Variants in TNFRSF10A observed in about 807,000 individuals in gnomAD.
TNFRSF10A encodes the protein tumor necrosis factor receptor superfamily member 10A.
In TNFRSF10A, 44 loss-of-function variants were observed where a neutral mutation model predicts 42.8. That is an observed-to-expected ratio of 1.03 (90% confidence interval 0.81 to 1.32). The LOEUF is 1.32. Among genes scored for constraint, TNFRSF10A ranks in the 40% most tolerant of loss-of-function variants. The probability of loss-of-function intolerance (pLI) is 0.00; values close to 1 mark genes in which losing one functional copy is unlikely to be tolerated. For missense variants in TNFRSF10A, 680 were observed against 602.0 expected, an observed-to-expected ratio of 1.13 and a Z score of -1.36; for synonymous variants, 259 against 234.2, an observed-to-expected ratio of 1.11 and a Z score of -0.97.
At position 23,190,606 on chromosome 8, in the gene TNFRSF10A, A is replaced by C. The variant is rs1800742117; in HGVS notation, c.*1088T>G. 6.6e-6 allele frequency: 1 copy of C among 152,240 alleles called. No homozygotes were observed. The highest frequency in any genetic ancestry group is 1.5e-5 in the Non-Finnish European group (1 of 68,042). The allele number at this position is 152,240 out of a possible 1,614,324, so 9.4% of individuals were successfully genotyped here. ...TTGTGACTTGAACTCAAGGTAAATAAATTAAATAATTAATAAATTAACCTT... is the reference window on the plus strand; with the variant it reads ...TTGTGACTTGAACTCAAGGTAAATACATTAAATAATTAATAAATTAACCTT... On this transcript the variant is annotated 3_prime_UTR_variant, in exon 10 of 10. Coordinates refer to ENST00000221132, the MANE Select transcript of TNFRSF10A (RefSeq NM_003844.4).
chr8:23,206,238 AG>A (rs1801006175), intron 2 of TNFRSF10A, among the ~76,000 whole-genome samples: 1 of 152,172 alleles, frequency 6.6e-6, no homozygotes. Flanking sequence ...TTAATATTGA[AG>A]GAAGGAAAAA....
chr8:23,191,948 T>C lies in TNFRSF10A; in HGVS notation c.1153A>G (p.Arg385Gly). 6.2e-7 allele frequency: 1 copy of C among 1,614,168 alleles called. No homozygotes were observed. Among genetic ancestry groups the C allele is most frequent in the Non-Finnish European group, 8.5e-7 (1 of 1,180,034 alleles). ...TCATTTTTCGTGAGGTCCAGCTGCC[T>C]CATGAGCTGGTCCCAGGAGTCAAAG... is the stretch of plus-strand genomic sequence containing the variant. ...VPFDSWDQLM[R>G]QLDLTKNEID... The change falls in exon 10 of 10, where the codon AGG becomes GGG. Residue 385 changes from arginine (R) to glycine (G), a missense_variant. Physicochemically the swap from Arg to Gly is moderately radical, Grantham distance 125. Coordinates refer to ENST00000221132, the MANE Select transcript of TNFRSF10A (RefSeq NM_003844.4).
chr8:23,191,473 A>AT lies in TNFRSF10A; in HGVS notation c.*220dup, dbSNP rs946656738. The AT allele has an allele frequency of 1.3e-5, 8 of 634,736 alleles. No individual in the cohort carries two copies. Among genetic ancestry groups the AT allele is most frequent in the South Asian group, 6.7e-5 (3 of 44,518 alleles). The allele number at this position is 634,736 out of a possible 1,614,324, so 39.3% of individuals were successfully genotyped here. ...ACCATCACATCCAGTTAATTTTTGT[A>AT]TTTTTTTGTAAAGACGGCATTTCAC... On this transcript the variant is annotated 3_prime_UTR_variant, in exon 10 of 10. Coordinates refer to ENST00000221132, the MANE Select transcript of TNFRSF10A (RefSeq NM_003844.4).
In TNFRSF10A at chr8:23,212,171, T is replaced by C. The variant is rs199606314; in HGVS notation, c.348A>G (p.Gln116=). 9.9e-6 allele frequency: 16 copies of C among 1,613,874 alleles called. No individual in the cohort carries two copies. The highest frequency in any genetic ancestry group is 3.3e-4 in the Middle Eastern group (2 of 6,060). ...SSAATIKLHD[Q]SIGTQQWEHS... is the part of the protein sequence containing the mutation. ...GTTCCCATTGCTGTGTGCCAATTGA[T>C]TGATCATGAAGTTTGATGGTTGCAG... The change falls in exon 2 of 10, where the codon CAA becomes CAG. Residue 116 remains glutamine (Q), a synonymous_variant. Transcript: ENST00000221132.
intron 2 of TNFRSF10A, among the ~76,000 whole-genome samples, chr8:23,205,941 C>T (rs1475921189): frequency 1.3e-5 from 2 of 152,054 alleles, no homozygotes; most frequent in Non-Finnish European, 2.9e-5. Context: ...TGGTCTCGAT[C>T]TCCTGACCTC....
intron 2 of TNFRSF10A, among the ~76,000 whole-genome samples, chr8:23,208,027 G>A (rs1333649581): frequency 6.6e-6 from 1 of 152,188 alleles, no homozygotes; most frequent in Non-Finnish European, 1.5e-5. Flanking sequence ...ACAGTTTGGA[G>A]GGCTCAGACG....
chr8:23,192,966 A>G (rs549961447), intron 9 of TNFRSF10A, among the ~76,000 whole-genome samples: 72 of 152,324 alleles, frequency 4.7e-4, no homozygotes, highest in South Asian at 4.1e-4. Context: ...GGGACCCCTC[A>G]TTCATCTTGA....
chr8:23,213,806 A>C (rs1801134669), intron 1 of TNFRSF10A, among the ~76,000 whole-genome samples: 1 of 152,056 alleles, frequency 6.6e-6, no homozygotes. Context: ...TTCTTCTTTT[A>C]ATGTGGTGAG....
Position 23,191,300 on chromosome 8 carries a change from CT to C in TNFRSF10A, c.*393del. On this transcript the variant is annotated 3_prime_UTR_variant, in exon 10 of 10. Transcript: ENST00000221132. ...TGTGAGCCTCAGTCGGGCAATAATT[CT>C]TTCAAGTTTATTTTATTTTATCTTG... The C allele has an allele frequency of 5.2e-6, 1 of 193,834 alleles. No homozygotes were observed. Among genetic ancestry groups the C allele is most frequent in the Non-Finnish European group, 1.1e-5 (1 of 95,202 alleles). The allele number at this position is 193,834 out of a possible 1,614,324, so 12.0% of individuals were successfully genotyped here.
At chr8:23,198,522 A>G (rs1800857162) in intron 8 of TNFRSF10A, among the ~76,000 whole-genome samples, 1 of 152,232 alleles carries the variant, frequency 6.6e-6, no homozygotes. Context: ...AGGCCTTCTC[A>G]TAAAGACTCT....
At chr8:23,200,643 C>A in intron 5 of TNFRSF10A, 43 bp from the exon 6 acceptor site, 1 of 1,613,886 alleles carries the variant, frequency 6.2e-7, no homozygotes, top group Non-Finnish European at 8.5e-7. Context: ...GGCTGCTGGT[C>A]CCTGTCTCCT....
At chr8:23,194,633 T>C (rs1800798786) in intron 9 of TNFRSF10A, among the ~76,000 whole-genome samples, 1 of 152,222 alleles carries the variant, frequency 6.6e-6, no homozygotes, top group Non-Finnish European at 1.5e-5. Context: ...TTTGAAGCTC[T>C]TAGGTGAGCA....
chr8:23,224,956 T>C lies in TNFRSF10A; in HGVS notation c.106A>G (p.Lys36Glu), dbSNP rs2128852799. 2 of 1,600,042 alleles carry C rather than the reference T, an allele frequency of 1.2e-6. No homozygotes were observed. ...CTCCCCGCGGAAGAGCCCCACACTT[T>C]GCTGGGTGTGGCCGCGGCTGCCTCT... Reference protein sequence around the residue: ...GTEAAAATPSKVWGSSAGRIE... With the variant: ...GTEAAAATPSEVWGSSAGRIE... Residue 36 changes from lysine (K) to glutamate (E), a missense_variant, in exon 1 of 10, where the codon AAA (lysine) becomes GAA (glutamate). Transcript: ENST00000221132.
Position 23,201,942 on chromosome 8 carries a change from T to G in TNFRSF10A, c.518-23A>C, listed in dbSNP as rs767698497. ...CATCTGATGACAGAGTACAAGGTTT[T>G]GGGAATGTGTTTCCCTGACGTGTCC... On this transcript the variant is annotated intron_variant, in intron 3 of 9. Transcript: ENST00000221132. The G allele has an allele frequency of 4.4e-6, 7 of 1,608,346 alleles. No individual in the cohort carries two copies. The East Asian group carries it at 1.3e-4, about 31-fold the overall frequency.
intron 9 of TNFRSF10A, among the ~76,000 whole-genome samples, chr8:23,194,978 G>A (rs1254967124): frequency 6.6e-6 from 1 of 152,114 alleles, no homozygotes; most frequent in African/African-American, 2.4e-5. Flanking sequence ...GGCCAACGTG[G>A]CAAAACCCTG....
intron 9 of TNFRSF10A, among the ~76,000 whole-genome samples, chr8:23,196,360 A>C (rs1439537807): frequency 6.6e-6 from 1 of 151,212 alleles, no homozygotes. Flanking sequence ...CGCCTGGCTA[A>C]TTTTTTTTTG....
In TNFRSF10A at chr8:23,191,690, T is replaced by A. The variant is rs1334137166; in HGVS notation, c.*4A>T. On this transcript the variant is annotated 3_prime_UTR_variant, in exon 10 of 10. Transcript: ENST00000221132. ...AAGAGGAAACCTCTGGTAAAAAGAGTCTTTCACTCCAAGGACACGGCAGAG... is the reference window on the plus strand; with the variant it reads ...AAGAGGAAACCTCTGGTAAAAAGAGACTTTCACTCCAAGGACACGGCAGAG... The A allele has an allele frequency of 1.9e-6, 3 of 1,607,728 alleles. No homozygotes were observed. The highest frequency in any genetic ancestry group is 2.2e-5 in the East Asian group (1 of 44,792).
intron 2 of TNFRSF10A, among the ~76,000 whole-genome samples, chr8:23,204,081 G>C (rs1426922759): frequency 1.3e-5 from 2 of 151,650 alleles, no homozygotes; most frequent in East Asian, 3.9e-4. Flanking sequence ...CACTGTGAAG[G>C]AAAAACTTCC....
chr8:23,205,943 C>G (rs1479566472), intron 2 of TNFRSF10A, among the ~76,000 whole-genome samples: 1 of 152,080 alleles, frequency 6.6e-6, no homozygotes, highest in Non-Finnish European at 1.5e-5. Context: ...GTCTCGATCT[C>G]CTGACCTCGT....
Sources: allele counts gnomAD v4.1 joint callset (sites outside exome capture counted in the v4.1 genomes callset), GRCh38; gene constraint gnomAD v4.1.1; transcripts MANE v1.5; gene names NCBI Gene and HGNC (gene_info 2026-07-23, HGNC 2026-07-21).